The following UBAP2 variants were observed in gnomAD, a reference collection of about 807,000 sequenced individuals.
The protein encoded by UBAP2 is ubiquitin-associated protein 2.
Under a neutral mutation model 139.6 loss-of-function variants are expected in UBAP2, and 75 were observed. The observed-to-expected ratio is 0.54, with a 90% CI of 0.45 to 0.65. UBAP2 has a LOEUF of 0.65. Among genes scored for constraint, UBAP2 ranks in the 30% least tolerant of loss-of-function variants. The pLI is 0.00. For missense variants in UBAP2, 1,368 were observed against 1,369.6 expected (o/e 1.00, Z 0.02); for synonymous variants, 526 against 526.2 (o/e 1.00, Z 0.01).
At chr9:33,962,271 G>A (rs1019571714) in intron 9 of UBAP2, among the ~76,000 whole-genome samples, 1 of 152,120 alleles carries the variant, frequency 6.6e-6, no homozygotes, top group Non-Finnish European at 1.5e-5. Context: ...TATATGTACA[G>A]TTAATGTAGT....
At chr9:34,047,390 T>A (rs943488685) in intron 1 of UBAP2, among the ~76,000 whole-genome samples, 1 of 152,246 alleles carries the variant, frequency 6.6e-6, no homozygotes, top group Admixed American at 6.5e-5. Context: ...TGAAGGAAAC[T>A]ATCATCTCCA....
rs1314602938 is a variant in UBAP2 at position 34,044,401 on chromosome 9, G to GAA, written c.-42+4422_-42+4423dup. Among the ~76,000 whole-genome samples, 6 of 138,226 alleles carry GAA rather than the reference G, an allele frequency of 4.3e-5. 1 individual carries two copies. Among genetic ancestry groups the GAA allele is most frequent in the African/African-American group, 1.3e-4 (5 of 37,626 alleles). 90.7% of individuals were successfully genotyped at this position (138,226 alleles called of 152,430 possible). A position where few individuals can be genotyped will look rare whatever the true frequency, so the allele number is the denominator to read the frequency against. On this transcript the variant is annotated intron_variant, in intron 1 of 28. Transcript: ENST00000379238. ...GGGCAAGAGAGCAAGACTCTGTCTC[G>GAA]AAAAAAAAAAAAAATTAGCTGGGCG...
At chr9:33,948,351 A>T in intron 13 of UBAP2, 23 bp downstream of exon 13, 3 of 1,568,388 alleles carry the variant, frequency 1.9e-6, no homozygotes, top group Non-Finnish European at 2.6e-6. Context: ...GTAGGGGCAA[A>T]CCCACAAACA....
rs1823235117 is a variant in UBAP2, at chr9:33,924,338, A to G, written c.2512-54T>C. ...CGACTGGCCCTGCTTGACTCCCAGG[A>G]GAGCAGAACCAGCACATGGAAGTGG... On this transcript the variant is annotated intron_variant, in intron 22 of 28. Coordinates refer to ENST00000379238, the MANE Select transcript of UBAP2 (RefSeq NM_001370062.2). The G allele has an allele frequency of 2.6e-6, 4 of 1,544,544 alleles. No individual in the cohort carries two copies. In the Admixed American group the frequency reaches 6.7e-5, roughly 26 times the overall value.
intron 10 of UBAP2, among the ~76,000 whole-genome samples, 154 bp from the exon 11 acceptor site, chr9:33,956,300 A>T (rs1826558956): frequency 6.7e-6 from 1 of 148,870 alleles, no homozygotes. Flanking sequence ...ATGACAAGTA[A>T]TTTTCAAGTG....
intron 1 of UBAP2, among the ~76,000 whole-genome samples, chr9:34,042,432 C>T (rs968741782): frequency 2.1e-5 from 3 of 145,946 alleles, no homozygotes; most frequent in African/African-American, 7.6e-5. Flanking sequence ...GAGCTGAGAT[C>T]GGGCCACTAC....
rs1328458907 is a variant in UBAP2, at chr9:34,036,072, G to T, written c.-42+12753C>A. On this transcript the variant is annotated intron_variant, in intron 1 of 28. Coordinates refer to ENST00000379238, the MANE Select transcript of UBAP2 (RefSeq NM_001370062.2). The stretch of plus-strand genomic sequence containing the variant: ...CTAAACTCTGAATACAACATTTAAA[G>T]TGTTTTAACAATTTAATTGTAACTT... 2.6e-5 allele frequency among the ~76,000 whole-genome samples: 4 copies of T among 151,262 alleles called. No homozygotes were observed. In the East Asian group the frequency reaches 7.7e-4, roughly 29 times the overall value.
intron 16 of UBAP2, among the ~76,000 whole-genome samples, chr9:33,941,308 A>C (rs1285057191): frequency 2.6e-5 from 4 of 152,244 alleles, no homozygotes; most frequent in African/African-American, 9.6e-5. Flanking sequence ...AAGCAAATAC[A>C]TTCAAAGCAA....
intron 1 of UBAP2, among the ~76,000 whole-genome samples, chr9:34,041,500 C>T (rs1198714496): frequency 6.6e-6 from 1 of 150,830 alleles, no homozygotes; most frequent in Non-Finnish European, 1.5e-5. Context: ...AGTCCATGAC[C>T]AGCCTGGCCA....
chr9:33,940,210 G>A (rs1173409221), intron 16 of UBAP2, among the ~76,000 whole-genome samples: 1 of 152,126 alleles, frequency 6.6e-6, no homozygotes, highest in East Asian at 1.9e-4. Flanking sequence ...TTTGGCTCTA[G>A]AAAGGCTTCT....
rs1822970685 is a variant in UBAP2 at position 33,922,413 on chromosome 9, T to G, written c.*91A>C. 2 of 1,313,264 alleles carry G rather than the reference T, an allele frequency of 1.5e-6. No homozygotes were observed. Among genetic ancestry groups the G allele is most frequent in the Non-Finnish European group, 2.2e-6 (2 of 929,110 alleles). 81.4% of individuals were successfully genotyped at this position (1,313,264 alleles called of 1,614,324 possible). ...CATGGCTGACACATGTCGGGAATTC[T>G]AGGAAAGGGCACTGGGCTCCCAAAT... On this transcript the variant is annotated 3_prime_UTR_variant, in exon 29 of 29. Coordinates refer to ENST00000379238, the MANE Select transcript of UBAP2 (RefSeq NM_001370062.2).
Position 33,988,879 on chromosome 9 carries a change from T to G in UBAP2, c.442+94A>C, listed in dbSNP as rs1157381885. 7 of 1,385,224 alleles carry G rather than the reference T, an allele frequency of 5.1e-6. No homozygotes were observed. The African/African-American group carries it at 5.8e-5, about 12-fold the overall frequency. The allele number at this position is 1,385,224 out of a possible 1,614,324, so 85.8% of individuals were successfully genotyped here. ...ATTTGAGAAAGCTGAGCGCAGTGACTCATGCCTGTAATCCCAAAACTTTGG... is the reference window on the plus strand; with the variant it reads ...ATTTGAGAAAGCTGAGCGCAGTGACGCATGCCTGTAATCCCAAAACTTTGG... On this transcript the variant is annotated intron_variant, in intron 5 of 28. Transcript: ENST00000379238.
chr9:34,006,773 T>G (rs1157704084), intron 2 of UBAP2, among the ~76,000 whole-genome samples: 1 of 152,176 alleles, frequency 6.6e-6, no homozygotes, highest in Non-Finnish European at 1.5e-5. Context: ...GTATAAATTG[T>G]GAACACCACC....
At chr9:34,035,634 G>A (rs1311134549) in intron 1 of UBAP2, among the ~76,000 whole-genome samples, 5 of 149,062 alleles carry the variant, frequency 3.4e-5, no homozygotes, top group African/African-American at 9.8e-5. Context: ...GCAGTGAGTC[G>A]AGATCGTGCT....
chr9:34,028,797 T>C (rs1226062423), intron 1 of UBAP2, among the ~76,000 whole-genome samples: 1 of 149,808 alleles, frequency 6.7e-6, no homozygotes. Context: ...CTCTCTCTCC[T>C]ACAAAAAGGA....
chr9:33,993,150 A>C (rs1821861511), intron 4 of UBAP2, among the ~76,000 whole-genome samples: 1 of 152,250 alleles, frequency 6.6e-6, no homozygotes, highest in African/African-American at 2.4e-5. Flanking sequence ...ATAAGAAAAA[A>C]TAAATTTATC....
chr9:33,992,840 T>TA (rs1821838323), intron 4 of UBAP2, among the ~76,000 whole-genome samples: 1 of 152,152 alleles, frequency 6.6e-6, no homozygotes, highest in Admixed American at 6.6e-5. Context: ...CAACCTCTGT[T>TA]ATCGGTATTT....
intron 17 of UBAP2, among the ~76,000 whole-genome samples, chr9:33,934,828 G>A (rs1220492072): frequency 6.6e-6 from 1 of 152,156 alleles, no homozygotes; most frequent in Non-Finnish European, 1.5e-5. Context: ...AGAGTCAAAA[G>A]TTCCTCTGTC....
intron 2 of UBAP2, among the ~76,000 whole-genome samples, chr9:34,005,265 GA>G (rs1023617544): frequency 0.19 from 16,941 of 88,472 alleles, 1,229 homozygotes; most frequent in South Asian, 0.38. Context: ...TGTGTCTCAA[GA>G]AAAAAAAAAA....
Sources: gnomAD v4.1 joint callset for allele counts (sites outside exome capture counted in the v4.1 genomes callset) on GRCh38, gnomAD v4.1.1 for gene constraint, MANE v1.5 for transcripts, NCBI Gene and HGNC (gene_info 2026-07-23, HGNC 2026-07-21) for gene names.